The following NRXN3 variants were observed in gnomAD, a reference collection of about 807,000 sequenced individuals.
NRXN3 encodes neurexin III.
Under a neutral mutation model 137.6 loss-of-function variants are expected in NRXN3, and 32 were observed. The observed-to-expected ratio is 0.23, with a 90% CI of 0.18 to 0.31. NRXN3 has a LOEUF of 0.31. NRXN3 is among the 10% of genes least tolerant of loss of function. The probability of loss-of-function intolerance (pLI) is 1.00; values close to 1 mark genes in which losing one functional copy is unlikely to be tolerated. For synonymous variants in NRXN3, 798 were observed against 784.5 expected (o/e 1.02, Z -0.29); for missense variants, 1,574 against 2,062.5 (o/e 0.76, Z 4.59).
chr14:79,241,632 G>C (rs562402219), intron 15 of NRXN3, among the ~76,000 whole-genome samples: 7 of 152,154 alleles, frequency 4.6e-5, no homozygotes, highest in Admixed American at 2.6e-4. Context: ...GTGAGATTTC[G>C]ATGGGGAAAC....
rs79897450 is a variant in NRXN3 at position 78,209,372 on chromosome 14, C to T, written c.-703-33019C>T. On this transcript the variant is annotated intron_variant, in intron 1 of 20. Transcript: ENST00000335750. The stretch of plus-strand genomic sequence containing the variant: ...GGCTGGACAGGTCTGCTCTCAGGGC[C>T]GGTGCGATTACCTCGTCCATCTTCC... Among the ~76,000 whole-genome samples the T allele has an allele frequency of 3.9e-3, 591 of 152,184 alleles. 31 individuals are homozygous for T. The East Asian group carries it at 0.1, about 26-fold the overall frequency.
Position 78,926,653 on chromosome 14 carries a change from ATATATT to A in NRXN3, c.2276-30585_2276-30580del, listed in dbSNP as rs563576756. On this transcript the variant is annotated intron_variant, in intron 10 of 20. Coordinates refer to ENST00000335750, the MANE Select transcript of NRXN3 (RefSeq NM_001330195.2). ...TATAATATATATTTATATATAATAT[ATATATT>A]TATTATATATATAATTATATATTAT... is the stretch of plus-strand genomic sequence containing the variant. Among the ~76,000 whole-genome samples, 457 of 94,884 alleles carry A rather than the reference ATATATT, an allele frequency of 4.8e-3. 3 individuals carry two copies. The highest frequency in any genetic ancestry group is 8.1e-3 in the Non-Finnish European group (399 of 49,422). The allele number at this position is 94,884 out of a possible 152,430, so 62.2% of individuals were successfully genotyped here.
intron 19 of NRXN3, among the ~76,000 whole-genome samples, chr14:79,778,539 G>C (rs925909012): frequency 2.6e-5 from 4 of 152,158 alleles, no homozygotes; most frequent in Non-Finnish European, 5.9e-5. Context: ...CCTGGAAAAT[G>C]TTTTAACTTC....
chr14:79,760,941 G>C (rs1290937570), intron 19 of NRXN3: 1 of 151,458 alleles, frequency 6.6e-6, no homozygotes, highest in South Asian at 2.1e-4. Context: ...CCTGAGGATG[G>C]ATTCACTTCA....
intron 15 of NRXN3, among the ~76,000 whole-genome samples, chr14:79,257,373 G>A (rs865899302): frequency 4.6e-4 from 48 of 104,608 alleles, no homozygotes; most frequent in Non-Finnish European, 5.8e-4. Flanking sequence ...GGTGGTGGTG[G>A]TGGTGGTGGT....
intron 15 of NRXN3, among the ~76,000 whole-genome samples, chr14:79,108,857 T>C (rs2152873845): frequency 6.6e-6 from 1 of 152,268 alleles, no homozygotes; most frequent in Admixed American, 6.5e-5. Flanking sequence ...TTTACGCTGC[T>C]GTCAGAAAAC....
At chr14:79,470,906 G>GTA (rs1269414427) in intron 16 of NRXN3, among the ~76,000 whole-genome samples, 1 of 130,020 alleles carries the variant, frequency 7.7e-6, no homozygotes, top group Non-Finnish European at 1.5e-5. Flanking sequence ...GAGAGAGTGT[G>GTA]TGTGTGTGTG....
intron 14 of NRXN3, among the ~76,000 whole-genome samples, chr14:78,985,990 G>T (rs981992262): frequency 8.5e-5 from 13 of 152,142 alleles, no homozygotes; most frequent in Admixed American, 6.6e-4. Flanking sequence ...ACTTTCTTAT[G>T]TCATATCCTC....
intron 10 of NRXN3, among the ~76,000 whole-genome samples, chr14:78,838,826 G>A (rs372638648): frequency 6.6e-6 from 1 of 152,036 alleles, no homozygotes; most frequent in Non-Finnish European, 1.5e-5. Flanking sequence ...ATTCTTTCTG[G>A]CCAAGAGCTG....
At chr14:79,096,575 ACTT>A (rs1460013610) in intron 15 of NRXN3, among the ~76,000 whole-genome samples, 10 of 149,370 alleles carry the variant, frequency 6.7e-5, no homozygotes, top group Admixed American at 6.1e-4. Context: ...ATTATGCAGT[ACTT>A]CTTGTGAAAA....
At chr14:79,537,603 C>A (rs1390640482) in intron 16 of NRXN3, among the ~76,000 whole-genome samples, 1 of 152,072 alleles carries the variant, frequency 6.6e-6, no homozygotes, top group Non-Finnish European at 1.5e-5. Flanking sequence ...CATCCATGTC[C>A]CTACAAAGGA....
At chr14:78,222,194 T>C (rs1413483888) in intron 1 of NRXN3, among the ~76,000 whole-genome samples, 1 of 152,112 alleles carries the variant, frequency 6.6e-6, no homozygotes, top group Non-Finnish European at 1.5e-5. Flanking sequence ...GAGTCAAATA[T>C]GAACAGTGGG....
chr14:78,343,007 A>G (rs1295218127), intron 4 of NRXN3, among the ~76,000 whole-genome samples: 1 of 152,186 alleles, frequency 6.6e-6, no homozygotes, highest in Non-Finnish European at 1.5e-5. Flanking sequence ...AGTCGTTCTC[A>G]AAGTTTGGCT....
chr14:78,648,445 G>C (rs972317081), intron 5 of NRXN3, among the ~76,000 whole-genome samples: 1 of 152,208 alleles, frequency 6.6e-6, no homozygotes, highest in Admixed American at 6.5e-5. Flanking sequence ...TGTTCAAGAG[G>C]AATTGGGGGA....
intron 17 of NRXN3, among the ~76,000 whole-genome samples, chr14:79,673,107 C>T (rs1278703362): frequency 6.6e-6 from 1 of 151,948 alleles, no homozygotes; most frequent in Non-Finnish European, 1.5e-5. Context: ...CTCTAAAATC[C>T]CTGTCAATAT....
intron 4 of NRXN3, among the ~76,000 whole-genome samples, chr14:78,454,314 A>G (rs1285063581): frequency 1.3e-5 from 2 of 151,840 alleles, no homozygotes; most frequent in Non-Finnish European, 2.9e-5. Flanking sequence ...AAAAAAACCT[A>G]TGTCCAAGCC....
In NRXN3 at chr14:78,490,642, G is replaced by A. The variant is rs1295094910; in HGVS notation, c.758-154478G>A. The stretch of plus-strand genomic sequence containing the variant: ...ATTTTTACAGAAAAATGTTTGCATT[G>A]AGCCCAAGTCTGCCTAATAATAATA... On this transcript the variant is annotated intron_variant, in intron 4 of 20. Transcript: ENST00000335750. 3.9e-5 allele frequency among the ~76,000 whole-genome samples: 6 copies of A among 152,164 alleles called. No individual in the cohort carries two copies. In the East Asian group the frequency reaches 1.2e-3, roughly 29 times the overall value.
intron 4 of NRXN3, among the ~76,000 whole-genome samples, chr14:78,442,294 AAG>A (rs1411261400): frequency 6.6e-6 from 1 of 151,392 alleles, no homozygotes; most frequent in African/African-American, 2.4e-5. Context: ...AAAAAAAAAA[AAG>A]AAATACACAG....
intron 15 of NRXN3, among the ~76,000 whole-genome samples, chr14:79,108,602 G>A (rs2052901592): frequency 1.3e-5 from 2 of 152,072 alleles, no homozygotes; most frequent in African/African-American, 4.8e-5. Context: ...CTAGTAAATG[G>A]CACTCTTAAA....
Sources: gnomAD v4.1 joint callset for allele counts (sites outside exome capture counted in the v4.1 genomes callset) on GRCh38, gnomAD v4.1.1 for gene constraint, MANE v1.5 for transcripts, NCBI Gene and HGNC (gene_info 2026-07-23, HGNC 2026-07-21) for gene names.